FAM107B: variants seen among roughly 807,000 people sequenced by gnomAD.
FAM107B encodes protein FAM107B.
FAM107B carries 21 observed loss-of-function variants against 31.5 expected under a neutral mutation model. That is an observed-to-expected ratio of 0.67 (90% CI 0.47 to 0.96). The LOEUF (loss-of-function observed/expected upper bound fraction) is 0.96. FAM107B is among the 40% of genes least tolerant of loss of function. The pLI is 0.00. For missense variants in FAM107B, 452 were observed against 377.1 expected, an observed-to-expected ratio of 1.20 and a Z score of -1.64; for synonymous variants, 157 against 141.5, an observed-to-expected ratio of 1.11 and a Z score of -0.78.
In FAM107B at chr10:14,774,639, T is replaced by G; in HGVS notation, c.25A>C (p.Thr9Pro). MSTWKARL[T>P]KRLKSPSRSM... ...CTAGAGGGAGACTTCAGTCTTTTGG[T>G]GAGTCTTGCTTTCCACGTGGACATG... Residue 9 changes from threonine to proline, a missense_variant, in exon 1 of 5, where the codon ACC becomes CCC. Transcript: ENST00000181796. 2 of 1,613,896 alleles carry G rather than the reference T, an allele frequency of 1.2e-6. No individual in the cohort carries two copies. Among genetic ancestry groups the G allele is most frequent in the Non-Finnish European group, 1.7e-6 (2 of 1,179,878 alleles).
intron 2 of FAM107B, among the ~76,000 whole-genome samples, chr10:14,542,116 A>C (rs1848265044): frequency 4.7e-5 from 7 of 148,776 alleles, no homozygotes; most frequent in Admixed American, 4.6e-4. Context: ...ATAATAATAC[A>C]AAAATGAGCC....
intron 2 of FAM107B, among the ~76,000 whole-genome samples, chr10:14,647,849 C>A (rs1035387665): frequency 6.6e-6 from 1 of 152,052 alleles, no homozygotes; most frequent in Admixed American, 6.5e-5. Context: ...TCTCCAGATG[C>A]CAAGGCAATG....
chr10:14,614,994 G>A (rs571437771), intron 2 of FAM107B, among the ~76,000 whole-genome samples: 1 of 152,236 alleles, frequency 6.6e-6, no homozygotes, highest in South Asian at 2.1e-4. Flanking sequence ...GGAATCCAGG[G>A]CCAAGAAAGG....
chr10:14,706,307 T>G (rs1223231472), intron 1 of FAM107B, among the ~76,000 whole-genome samples: 1 of 148,896 alleles, frequency 6.7e-6, no homozygotes, highest in Non-Finnish European at 1.5e-5. Context: ...CTCCAAATTG[T>G]TTTTTTTTTA....
intron 1 of FAM107B, among the ~76,000 whole-genome samples, chr10:14,682,181 A>G (rs1854851652): frequency 6.6e-6 from 1 of 152,210 alleles, no homozygotes. Context: ...ACCTAACTAC[A>G]TTGCCGAACA....
chr10:14,718,480 G>A (rs78327890), intron 1 of FAM107B, among the ~76,000 whole-genome samples: 18,879 of 146,126 alleles, frequency 0.13, 1,507 homozygotes, highest in African/African-American at 0.23. Context: ...GAAAAGGAGG[G>A]AGGGAGAGAA....
chr10:14,774,798 A>G lies in FAM107B; in HGVS notation c.-135T>C. The G allele has an allele frequency of 9.6e-7, 1 of 1,036,458 alleles. No individual in the cohort carries two copies. The highest frequency in any genetic ancestry group is 1.4e-6 in the Non-Finnish European group (1 of 731,152). 64.2% of individuals were successfully genotyped at this position (1,036,458 alleles called of 1,614,324 possible). A position where few individuals can be genotyped will look rare whatever the true frequency, so the allele number is the denominator to read the frequency against. On this transcript the variant is annotated 5_prime_UTR_variant, in exon 1 of 5. Transcript: ENST00000181796. ...AACTTGCTAGTGGTTGCCCCTAAAT[A>G]GAAGTTGGGATGGCAAGGCCACCTT...
chr10:14,737,375 C>T (rs554622880), intron 1 of FAM107B, among the ~76,000 whole-genome samples: 3 of 152,142 alleles, frequency 2.0e-5, no homozygotes, highest in South Asian at 4.2e-4. Context: ...CACTTCAGAA[C>T]GTCGAGGTGG....
intron 2 of FAM107B, among the ~76,000 whole-genome samples, chr10:14,613,350 T>A (rs1423453751): frequency 6.6e-6 from 1 of 152,218 alleles, no homozygotes; most frequent in Non-Finnish European, 1.5e-5. Context: ...GGAAATTGAT[T>A]TTAAGAATGA....
Position 14,555,894 on chromosome 10 carries a change from A to AACACACACACACAC in FAM107B, c.470-25393_470-25380dup, listed in dbSNP as rs56270507. 3.1e-3 allele frequency: 457 copies of AACACACACACACAC among 148,202 alleles called. 6 individuals are homozygous for AACACACACACACAC. The highest frequency in any genetic ancestry group is 0.026 in the East Asian group (127 of 4,974). 9.2% of individuals were successfully genotyped at this position (148,202 alleles called of 1,614,324 possible). On this transcript the variant is annotated intron_variant, in intron 2 of 4. Transcript: ENST00000181796. Reference sequence around the variant, plus strand: ...CAGTGCTAAACTTGCAGACATCTTTAACACACACACACACACACACACACA... The same window carrying AACACACACACACAC: ...CAGTGCTAAACTTGCAGACATCTTTAACACACACACACACACACACACACACACACACACACACA...
intron 2 of FAM107B, among the ~76,000 whole-genome samples, chr10:14,562,263 T>C (rs1365459737): frequency 1.3e-5 from 2 of 152,202 alleles, no homozygotes; most frequent in Non-Finnish European, 2.9e-5. Flanking sequence ...TATTAGAATA[T>C]GCAATTAAGT....
chr10:14,629,000 T>C (rs1023169788), intron 2 of FAM107B, among the ~76,000 whole-genome samples: 3 of 151,374 alleles, frequency 2.0e-5, no homozygotes, highest in African/African-American at 7.3e-5. Context: ...CATAAATGCT[T>C]ATAAATATGT....
At chr10:14,526,209 T>C (rs919125799) in intron 3 of FAM107B, among the ~76,000 whole-genome samples, 4 of 152,228 alleles carry the variant, frequency 2.6e-5, no homozygotes, top group Admixed American at 6.5e-5. Flanking sequence ...AGTCTCGCTC[T>C]ATTGCCCATG....
At chr10:14,718,470 G>T (rs1855832929) in intron 1 of FAM107B, among the ~76,000 whole-genome samples, 4 of 133,034 alleles carry the variant, frequency 3.0e-5, no homozygotes, top group African/African-American at 1.1e-4. Flanking sequence ...AAGGAAGGAA[G>T]AAAAGGAGGG....
intron 3 of FAM107B, among the ~76,000 whole-genome samples, chr10:14,522,541 G>C (rs975977669): frequency 6.6e-6 from 1 of 151,982 alleles, no homozygotes; most frequent in Non-Finnish European, 1.5e-5. Flanking sequence ...TCAGCCTCTG[G>C]AGTAGCTGGG....
At chr10:14,738,955 G>A (rs1856373098) in intron 1 of FAM107B, among the ~76,000 whole-genome samples, 1 of 152,218 alleles carries the variant, frequency 6.6e-6, no homozygotes, top group Non-Finnish European at 1.5e-5. Flanking sequence ...TGACTCTCAT[G>A]CATGTGCATC....
At chr10:14,548,428 A>G in intron 2 of FAM107B, 1 of 985,654 alleles carries the variant, frequency 1.0e-6, no homozygotes, top group South Asian at 4.7e-5. Context: ...CGTGGGGCGT[A>G]GGTAACAGCA....
intron 1 of FAM107B, among the ~76,000 whole-genome samples, chr10:14,689,975 G>GA (rs1855088872): frequency 1.1e-5 from 1 of 95,056 alleles, no homozygotes; most frequent in Non-Finnish European, 2.0e-5. Context: ...GAAATAGAAA[G>GA]AAAAAAAGAA....
At chr10:14,767,051 TATATAG>T (rs1350907584) in intron 1 of FAM107B, among the ~76,000 whole-genome samples, 12 of 31,820 alleles carry the variant, frequency 3.8e-4, no homozygotes, top group South Asian at 1.7e-3. Context: ...TATATATATA[TATATAG>T]AGAGAGAGAG....
Sources: allele counts gnomAD v4.1 joint callset (sites outside exome capture counted in the v4.1 genomes callset), GRCh38; gene constraint gnomAD v4.1.1; transcripts MANE v1.5; gene names NCBI Gene and HGNC (gene_info 2026-07-23, HGNC 2026-07-21).